The following TNXB variants were observed in gnomAD, a reference collection of about 807,000 sequenced individuals.
The protein encoded by TNXB is tenascin-X.
In TNXB, 183 loss-of-function variants were observed where a neutral mutation model predicts 340.5. That is an observed-to-expected ratio of 0.54 (90% CI 0.48 to 0.61). The LOEUF is 0.61. Among genes scored for constraint, TNXB ranks in the 20% least tolerant of loss-of-function variants. The pLI is 0.00. For missense variants in TNXB, 4,613 were observed against 5,446.4 expected (o/e 0.85, Z 4.82); for synonymous variants, 2,121 against 2,314.5 (o/e 0.92, Z 2.40).
chr6:32,063,918 A>G (rs1021845644), intron 19 of TNXB, among the ~76,000 whole-genome samples: 1 of 152,242 alleles, frequency 6.6e-6, no homozygotes, highest in African/African-American at 2.4e-5. Flanking sequence ...AATTAAAGTA[A>G]TAGTATCCAT....
In TNXB at chr6:32,056,864, G is replaced by A; in HGVS notation, c.7865C>T (p.Thr2622Ile). 1.9e-6 allele frequency: 3 copies of A among 1,612,846 alleles called. No individual in the cohort carries two copies. The highest frequency in any genetic ancestry group is 1.7e-6 in the Non-Finnish European group (2 of 1,179,772). The change falls in exon 23 of 44, where the codon ACC becomes ATC. Residue 2622 changes from threonine (T) to isoleucine (I), a missense_variant. Coordinates refer to ENST00000644971, the MANE Select transcript of TNXB (RefSeq NM_001365276.2). The stretch of plus-strand genomic sequence containing the variant: ...GCGAGGCTTGATGGGGGGCTCAGGG[G>A]TCATGGTAGGCACTGCTTGGGTGGT... ...AETTQAVPTM[T>I]PEPPIKPRLG...
rs1385050477 is a variant in TNXB at position 32,070,226 on chromosome 6, T to C, written c.5179A>G (p.Thr1727Ala). ...CGGCCGGCATCCAGAGGGGTGACAG[T>C]GACAGAGCGCTCATGGCCCTCCACG... Reference protein sequence around the residue: ...VPVEGHERSVTVTPLDAGRKY... With the variant: ...VPVEGHERSVAVTPLDAGRKY... The change falls in exon 14 of 44, where the codon ACT becomes GCT. Residue 1727 changes from threonine (T) to alanine (A), a missense_variant. Thr to Ala is a moderately conservative substitution (Grantham distance 58). This residue lies in a region of TNXB where 4,327 missense variants were observed against 4,859.4 expected (regional missense o/e 0.89). Transcript: ENST00000644971. The surrounding 1 kb of genome is among the most constrained non-coding windows in gnomAD (Gnocchi z 6.0). The C allele has an allele frequency of 1.2e-6, 2 of 1,612,682 alleles. No homozygotes were observed. The highest frequency in any genetic ancestry group is 1.7e-5 in the Admixed American group (1 of 59,984).
chr6:32,104,881 C>T (rs1780901423), intron 1 of TNXB, among the ~76,000 whole-genome samples: 1 of 152,170 alleles, frequency 6.6e-6, no homozygotes. Flanking sequence ...AAGCAATCCT[C>T]CCACCCTAGC....
In TNXB at chr6:32,053,377, C is replaced by T. The variant is rs547180857; in HGVS notation, c.8791+11G>A. On this transcript the variant is annotated intron_variant, in intron 25 of 43. Transcript: ENST00000644971. ...ACAGGCCCCACTCTGGGGCTCCCAT[C>T]GTACACTCACCTGTCACCCCAATGA... 14 of 1,611,044 alleles carry T rather than the reference C, an allele frequency of 8.7e-6. No homozygotes were observed. The highest frequency in any genetic ancestry group is 4.0e-5 in the African/African-American group (3 of 75,000).
rs1349350574 is a variant in TNXB, at chr6:32,069,602, C to CAGCTTGTA, written c.5537_5538insTACAAGCT (p.Leu1847ThrfsTer44). 6.2e-7 allele frequency: 1 copy of CAGCTTGTA among 1,601,534 alleles called. No individual in the cohort carries two copies. The stretch of plus-strand genomic sequence containing the variant: ...GGCCCACACGCTTGCCGTGGTGCAG[C>CAGCTTGTA]CCGTAGAGCAGCAGCTTGTACCTGT... On this transcript the variant is annotated frameshift_variant, in exon 15 of 44. Transcript: ENST00000644971. LOFTEE classifies it high-confidence loss of function. The surrounding 1 kb of genome is among the most constrained non-coding windows in gnomAD (Gnocchi z 6.2).
At chr6:32,106,135 G>GA (rs1780965977) in intron 1 of TNXB, among the ~76,000 whole-genome samples, 1 of 151,736 alleles carries the variant, frequency 6.6e-6, no homozygotes, top group Non-Finnish European at 1.5e-5. Context: ...GGGGCATGGG[G>GA]GGGGGGGCTT....
chr6:32,059,620 AC>A (rs1471058123), intron 21 of TNXB, among the ~76,000 whole-genome samples: 1 of 151,476 alleles, frequency 6.6e-6, no homozygotes, highest in Non-Finnish European at 1.5e-5. Flanking sequence ...AGGACAGCTT[AC>A]CCCCGGAATG....
chr6:32,046,782 C>A lies in TNXB; in HGVS notation c.10325-326G>T, dbSNP rs1776916472. On this transcript the variant is annotated intron_variant, in intron 30 of 43. Transcript: ENST00000644971. This position sits in a 1 kb window ranked among gnomAD's most constrained non-coding sequence, Gnocchi z 6.9. ...AGAGAGGGCCTTTGTTTACCCTGAC[C>A]CCCAGCCCCTGAGCAAGAATGAGGC... Among the ~76,000 whole-genome samples, 1 of 152,138 alleles carries A rather than the reference C, an allele frequency of 6.6e-6. No individual in the cohort carries two copies. The highest frequency in any genetic ancestry group is 1.5e-5 in the Non-Finnish European group (1 of 68,020).
In TNXB at chr6:32,046,450, A is replaced by C. The variant is rs751056536; in HGVS notation, c.10331T>G (p.Leu3444Arg). 9 of 1,572,598 alleles carry C rather than the reference A, an allele frequency of 5.7e-6. No individual in the cohort carries two copies. Among genetic ancestry groups the C allele is most frequent in the Non-Finnish European group, 5.2e-6 (6 of 1,152,428 alleles). Residue 3444 changes from leucine to arginine, a missense_variant, in exon 31 of 44, where the codon CTG (leucine) becomes CGG (arginine). Coordinates refer to ENST00000644971, the MANE Select transcript of TNXB (RefSeq NM_001365276.2). This position sits in a 1 kb window ranked among gnomAD's most constrained non-coding sequence, Gnocchi z 6.9. The stretch of plus-strand genomic sequence containing the variant: ...CAGGTGGGGAGGTAGCTCCTTCTCC[A>C]GGGGAGCTGTGCAGAGGGAGGAGGG... ...PISADSTTAP[L>R]EKELPPHLGE...
intron 13 of TNXB, among the ~76,000 whole-genome samples, chr6:32,071,395 C>G (rs908902877): frequency 2.0e-5 from 3 of 151,992 alleles, no homozygotes; most frequent in Admixed American, 6.5e-5. Flanking sequence ...TTCCTGGCTC[C>G]CCTCGCCCCT....
In TNXB at chr6:32,064,622, A is replaced by G. The variant is rs183565124; in HGVS notation, c.6841+199T>C. 6.6e-6 allele frequency among the ~76,000 whole-genome samples: 1 copy of G among 152,076 alleles called. No individual in the cohort carries two copies. Among genetic ancestry groups the G allele is most frequent in the Non-Finnish European group, 1.5e-5 (1 of 68,012 alleles). ...TTTCCTGGTCCCCCACCTCTTTGGG[A>G]ACCCAAAAAGCCCATGTGTAACGGG... On this transcript the variant is annotated intron_variant, in intron 19 of 43. Transcript: ENST00000644971. This position sits in a 1 kb window ranked among gnomAD's most constrained non-coding sequence, Gnocchi z 5.3.
chr6:32,063,364 A>C (rs960261308), intron 19 of TNXB, among the ~76,000 whole-genome samples: 1 of 151,740 alleles, frequency 6.6e-6, no homozygotes, highest in Non-Finnish European at 1.5e-5. Context: ...CTCCAGCCTG[A>C]GAGCCTGGGT....
chr6:32,049,484 C>T lies in TNXB; in HGVS notation c.9543G>A (p.Ser3181=), dbSNP rs745855356. ...ELTVTGSSPD[S]LSLSWTVPQG... is the part of the protein sequence containing the mutation. The stretch of plus-strand genomic sequence containing the variant: ...GGGGGACGGTCCAGGAGAGGCTCAG[C>T]GAGTCAGGGGAGGATCCTGTCACTG... Residue 3181 remains serine (S), a synonymous_variant, in exon 28 of 44, where the codon TCG becomes TCA. Coordinates refer to ENST00000644971, the MANE Select transcript of TNXB (RefSeq NM_001365276.2). This position sits in a 1 kb window ranked among gnomAD's most constrained non-coding sequence, Gnocchi z 4.5. 1.2e-5 allele frequency: 20 copies of T among 1,612,412 alleles called. 1 individual carries two copies. The highest frequency in any genetic ancestry group is 5.5e-5 in the South Asian group (5 of 91,042).
At position 32,081,242 on chromosome 6, in the gene TNXB, T is replaced by G; in HGVS notation, c.4042+126A>C. ...GACAGGAGAGCAGTGCGGGAGGAAG[T>G]GGGTGGAGGCTTTGGCAAAATGAGC... On this transcript the variant is annotated intron_variant, in intron 10 of 43. Coordinates refer to ENST00000644971, the MANE Select transcript of TNXB (RefSeq NM_001365276.2). This position sits in a 1 kb window ranked among gnomAD's most constrained non-coding sequence, Gnocchi z 5.1. 1 of 893,826 alleles carries G rather than the reference T, an allele frequency of 1.1e-6. No individual in the cohort carries two copies. The highest frequency in any genetic ancestry group is 1.7e-6 in the Non-Finnish European group (1 of 595,488). 55.4% of individuals were successfully genotyped at this position (893,826 alleles called of 1,614,324 possible). A position where few individuals can be genotyped will look rare whatever the true frequency, so the allele number is the denominator to read the frequency against.
chr6:32,059,515 G>C lies in TNXB; in HGVS notation c.7493-1125C>G, dbSNP rs74990487. On this transcript the variant is annotated intron_variant, in intron 21 of 43. Transcript: ENST00000644971. Reference sequence around the variant, plus strand: ...TGGGGGTGGGGCAGCAATACACATAGAACAGGAGGGGCAGGGGTGGGTCCC... The same window carrying C: ...TGGGGGTGGGGCAGCAATACACATACAACAGGAGGGGCAGGGGTGGGTCCC... Among the ~76,000 whole-genome samples the C allele has an allele frequency of 8.6e-5, 13 of 150,400 alleles. No individual in the cohort carries two copies. The East Asian group carries it at 2.5e-3, about 29-fold the overall frequency.
rs1225965451 is a variant in TNXB, at chr6:32,049,974, C to A, written c.9439+24G>T. 1.2e-6 allele frequency: 2 copies of A among 1,612,272 alleles called. No individual in the cohort carries two copies. The highest frequency in any genetic ancestry group is 1.3e-5 in the African/African-American group (1 of 74,900). Reference sequence around the variant, plus strand: ...AGGTGGCCCTCCCACAGCTCCCACCCTGGGGCTCCCATCATTCACTCACCC... The same window carrying A: ...AGGTGGCCCTCCCACAGCTCCCACCATGGGGCTCCCATCATTCACTCACCC... On this transcript the variant is annotated intron_variant, in intron 27 of 43. Transcript: ENST00000644971. The surrounding 1 kb of genome is among the most constrained non-coding windows in gnomAD (Gnocchi z 4.5).
At position 32,064,295 on chromosome 6, in the gene TNXB, C is replaced by T. The variant is rs542387692; in HGVS notation, c.6841+526G>A. On this transcript the variant is annotated intron_variant, in intron 19 of 43. Coordinates refer to ENST00000644971, the MANE Select transcript of TNXB (RefSeq NM_001365276.2). The surrounding 1 kb of genome is among the most constrained non-coding windows in gnomAD (Gnocchi z 5.3). ...TGGCTCGATCTCGGCTCACTGCAACCTCCGCCTCCTGGGTTCAAGCGATTC... is the reference window on the plus strand; with the variant it reads ...TGGCTCGATCTCGGCTCACTGCAACTTCCGCCTCCTGGGTTCAAGCGATTC... 5.3e-5 allele frequency among the ~76,000 whole-genome samples: 8 copies of T among 152,302 alleles called. No homozygotes were observed. The highest frequency in any genetic ancestry group is 8.8e-5 in the Non-Finnish European group (6 of 68,022).
rs1266857791 is a variant in TNXB, at chr6:32,044,196, C to A, written c.11264-67G>T. The A allele has an allele frequency of 6.8e-6, 9 of 1,330,564 alleles. 2 individuals carry two copies. Among genetic ancestry groups the A allele is most frequent in the African/African-American group, 3.4e-5 (2 of 58,016 alleles). The allele number at this position is 1,330,564 out of a possible 1,614,324, so 82.4% of individuals were successfully genotyped here. On this transcript the variant is annotated intron_variant, in intron 33 of 43. Transcript: ENST00000644971. The stretch of plus-strand genomic sequence containing the variant: ...GAGGCTTCTCCCTACGAGTCCCCCC[C>A]TCGCCTCTGCTCCAGCACAGGCTCA...
rs768145699 is a variant in TNXB, at chr6:32,049,399, C to T, written c.9628G>A (p.Val3210Met). The change falls in exon 28 of 44, where the codon GTG (valine) becomes ATG (methionine). Residue 3210 changes from valine (V) to methionine (M), a missense_variant. By Grantham distance (21) the Val-to-Met change is conservative (BLOSUM62 1). Transcript: ENST00000644971. The surrounding 1 kb of genome is among the most constrained non-coding windows in gnomAD (Gnocchi z 4.5). ...YKDRDGQPQV[V>M]RVRGEESEVT... The stretch of plus-strand genomic sequence containing the variant: ...TCGCTCTCCTCGCCCCTGACACGCA[C>T]CACCTGGGGCTGCCCGTCCCTGTCC... 3.7e-6 allele frequency: 6 copies of T among 1,612,562 alleles called. No individual in the cohort carries two copies. Among genetic ancestry groups the T allele is most frequent in the African/African-American group, 2.7e-5 (2 of 74,896 alleles).
Sources: allele counts gnomAD v4.1 joint callset (sites outside exome capture counted in the v4.1 genomes callset), GRCh38; gene constraint gnomAD v4.1.1; regional missense constraint gnomAD v4.1.1; non-coding constraint Gnocchi (gnomAD v3.1); transcripts MANE v1.5; gene names NCBI Gene and HGNC (gene_info 2026-07-23, HGNC 2026-07-21).